The following KDM1B variants were observed in gnomAD, a reference collection of about 807,000 sequenced individuals.
KDM1B encodes lysine demethylase 1B.
A neutral mutation model predicts 107.4 loss-of-function variants in KDM1B; 63 were observed. That is an observed-to-expected ratio of 0.59 (90% confidence interval 0.48 to 0.72). The LOEUF is 0.72. KDM1B is among the 30% of genes least tolerant of loss of function. The pLI, the probability that KDM1B is intolerant of heterozygous loss-of-function variation, is 0.00. For synonymous variants in KDM1B, 363 were observed against 363.9 expected (o/e 1.00, Z 0.03); for missense variants, 749 against 1,020.8 (o/e 0.73, Z 3.63).
chr6:18,166,163 T>C (rs764357134), intron 5 of KDM1B, 104 bp from the exon 6 acceptor site: 2 of 620,142 alleles, frequency 3.2e-6, no homozygotes, highest in Non-Finnish European at 5.9e-6. Context: ...AGGCTAGTTA[T>C]GTTTGTTACG....
At position 18,161,377 on chromosome 6, in the gene KDM1B, A is replaced by G. The variant is rs780785547; in HGVS notation, c.138A>G (p.Ser46=). Residue 46 remains serine, a synonymous_variant, in exon 4 of 22, where the codon TCA becomes TCG. Transcript: ENST00000650836. ...ETTDEDEDGG[S]EKKYRKCEKA... is the part of the protein sequence containing the mutation. ...CAGATGAGGATGAAGATGGTGGCTC[A>G]GAGAAGAAGTACAGGAAATGTGAAA... The G allele has an allele frequency of 3.1e-6, 5 of 1,614,032 alleles. No individual in the cohort carries two copies. The South Asian group carries it at 5.5e-5, about 18-fold the overall frequency.
chr6:18,189,792 G>T (rs985967591), intron 9 of KDM1B, among the ~76,000 whole-genome samples: 1 of 152,100 alleles, frequency 6.6e-6, no homozygotes, highest in African/African-American at 2.4e-5. Context: ...ATAATCAGGG[G>T]TTAGTGATTG....
Position 18,201,571 on chromosome 6 carries a change from G to A in KDM1B, c.1445G>A (p.Arg482His), listed in dbSNP as rs1242942387. 1.2e-5 allele frequency: 18 copies of A among 1,549,742 alleles called. No homozygotes were observed. The highest frequency in any genetic ancestry group is 3.6e-5 in the South Asian group (3 of 84,058). The change falls in exon 14 of 22, where the codon CGC (arginine) becomes CAC (histidine). Residue 482 changes from arginine (R) to histidine (H), a missense_variant. Coordinates refer to ENST00000650836, the MANE Select transcript of KDM1B (RefSeq NM_001364614.2). The surrounding 1 kb of genome is among the most constrained non-coding windows in gnomAD (Gnocchi z 4.3). ...GRITDPTIDK[R>H]MDFHFNALLD... Reference sequence around the variant, plus strand: ...ATAACTGACCCCACTATTGACAAGCGCATGGATTTTCATTTTAATGCTCTC... The same window carrying A: ...ATAACTGACCCCACTATTGACAAGCACATGGATTTTCATTTTAATGCTCTC...
rs528145803 is a variant in KDM1B, at chr6:18,162,059, G to A, written c.215+605G>A. Among the ~76,000 whole-genome samples, 9 of 152,028 alleles carry A rather than the reference G, an allele frequency of 5.9e-5. No homozygotes were observed. Among genetic ancestry groups the A allele is most frequent in the Non-Finnish European group, 1.2e-4 (8 of 68,018 alleles). On this transcript the variant is annotated intron_variant, in intron 4 of 21. Transcript: ENST00000650836. This position sits in a 1 kb window ranked among gnomAD's most constrained non-coding sequence, Gnocchi z 4.1. The stretch of plus-strand genomic sequence containing the variant: ...AAGAGGGCCAGGCATGGTGGCATGC[G>A]CCTGTAATCCCAGCACTTTGAGAGA...
intron 15 of KDM1B, among the ~76,000 whole-genome samples, chr6:18,206,717 A>G (rs891652941): frequency 6.6e-6 from 1 of 152,098 alleles, no homozygotes; most frequent in Non-Finnish European, 1.5e-5. Context: ...GAGCCACTGC[A>G]CCAGGACTTG....
At chr6:18,192,358 A>G (rs146734909) in intron 10 of KDM1B, among the ~76,000 whole-genome samples, 66 of 152,354 alleles carry the variant, frequency 4.3e-4, no homozygotes, top group Non-Finnish European at 7.8e-4. Context: ...AACATTGTGC[A>G]AGACTGCCAA....
chr6:18,195,733 C>CAAAA (rs774459443), intron 10 of KDM1B, among the ~76,000 whole-genome samples: 6 of 107,876 alleles, frequency 5.6e-5, no homozygotes, highest in Non-Finnish European at 9.3e-5. Context: ...AACTCCATAT[C>CAAAA]AAAAAAAAAA....
intron 21 of KDM1B, 103 bp downstream of exon 21, chr6:18,217,988 A>T: frequency 1.6e-6 from 2 of 1,258,874 alleles, no homozygotes; most frequent in Non-Finnish European, 2.2e-6. Context: ...AATACTGTCA[A>T]AAGTCTTATG....
Position 18,191,671 on chromosome 6 carries a change from C to T in KDM1B, c.969+290C>T, listed in dbSNP as rs1446316991. Among the ~76,000 whole-genome samples the T allele has an allele frequency of 6.6e-6, 1 of 152,100 alleles. No individual in the cohort carries two copies. Among genetic ancestry groups the T allele is most frequent in the Non-Finnish European group, 1.5e-5 (1 of 68,026 alleles). ...GGACAGAATCACCCCTTGTTGAAAA[C>T]CACCACTTTAGACCACACATAGTCA... On this transcript the variant is annotated intron_variant, in intron 10 of 21. Transcript: ENST00000650836. The surrounding 1 kb of genome is among the most constrained non-coding windows in gnomAD (Gnocchi z 5.1).
chr6:18,195,045 G>A (rs376825471), intron 10 of KDM1B, among the ~76,000 whole-genome samples: 1 of 152,158 alleles, frequency 6.6e-6, no homozygotes, highest in Admixed American at 6.5e-5. Flanking sequence ...CATATAATAT[G>A]TGGCCTTTTA....
At chr6:18,179,570 C>G (rs540272184) in intron 7 of KDM1B, among the ~76,000 whole-genome samples, 1 of 152,206 alleles carries the variant, frequency 6.6e-6, no homozygotes, top group East Asian at 1.9e-4. Context: ...ATATGGCCAT[C>G]TAGGTGGTTT....
chr6:18,196,408 T>C lies in KDM1B; in HGVS notation c.970-649T>C, dbSNP rs551355104. Among the ~76,000 whole-genome samples the C allele has an allele frequency of 7.2e-5, 11 of 152,348 alleles. No individual in the cohort carries two copies. The South Asian group carries it at 2.3e-3, about 32-fold the overall frequency. ...TTTTTTGAGACACCTCCGTACTGTC[T>C]TCCATAATGACTGTACTAATGTACA... is the stretch of plus-strand genomic sequence containing the variant. On this transcript the variant is annotated intron_variant, in intron 10 of 21. Coordinates refer to ENST00000650836, the MANE Select transcript of KDM1B (RefSeq NM_001364614.2).
rs1787982625 is a variant in KDM1B at position 18,200,808 on chromosome 6, A to G, written c.1359+232A>G. Among the ~76,000 whole-genome samples, 1 of 152,124 alleles carries G rather than the reference A, an allele frequency of 6.6e-6. No homozygotes were observed. The highest frequency in any genetic ancestry group is 2.4e-5 in the African/African-American group (1 of 41,420). ...TTAATTTTATTTCCTTGTTCTTTGC[A>G]GGCCACTTGGTTATCTCATAATTTT... On this transcript the variant is annotated intron_variant, in intron 13 of 21. Transcript: ENST00000650836. The surrounding 1 kb of genome is among the most constrained non-coding windows in gnomAD (Gnocchi z 4.3).
At position 18,203,906 on chromosome 6, in the gene KDM1B, A is replaced by G. The variant is rs1788206036; in HGVS notation, c.1532-1631A>G. ...GCCTCTCTCAGTCTGTTTATACACTATCTTAGCAATCTTGGTTTTTCTCCC... is the reference window on the plus strand; with the variant it reads ...GCCTCTCTCAGTCTGTTTATACACTGTCTTAGCAATCTTGGTTTTTCTCCC... On this transcript the variant is annotated intron_variant, in intron 14 of 21. Transcript: ENST00000650836. This position sits in a 1 kb window ranked among gnomAD's most constrained non-coding sequence, Gnocchi z 5.5. Among the ~76,000 whole-genome samples, 2 of 151,528 alleles carry G rather than the reference A, an allele frequency of 1.3e-5. No individual in the cohort carries two copies. Among genetic ancestry groups the G allele is most frequent in the South Asian group, 2.1e-4 (1 of 4,814 alleles).
At chr6:18,178,478 C>T (rs757635215) in intron 7 of KDM1B, among the ~76,000 whole-genome samples, 2 of 152,056 alleles carry the variant, frequency 1.3e-5, no homozygotes, top group Non-Finnish European at 2.9e-5. Context: ...CTGCAACCTC[C>T]GCCTCCCAGG....
At chr6:18,157,582 T>C (rs55799320) in intron 2 of KDM1B, among the ~76,000 whole-genome samples, 3,402 of 152,136 alleles carry the variant, frequency 0.022, 117 homozygotes, top group African/African-American at 0.076. Context: ...CTATAATACT[T>C]ACATATACTA....
chr6:18,170,818 C>CT lies in KDM1B; in HGVS notation c.418-535dup, dbSNP rs374065192. On this transcript the variant is annotated intron_variant, in intron 6 of 21. Transcript: ENST00000650836. ...TAGGTTAGAGCTGGAAAACCTTTCT[C>CT]TTTTTTTTTTCCTTTTTTTTGAGAC... 3.2e-3 allele frequency among the ~76,000 whole-genome samples: 466 copies of CT among 147,118 alleles called. 2 individuals carry two copies. The highest frequency in any genetic ancestry group is 5.0e-3 in the Non-Finnish European group (333 of 66,274).
At position 18,195,292 on chromosome 6, in the gene KDM1B, T is replaced by C. The variant is rs535148350; in HGVS notation, c.970-1765T>C. 1.2e-4 allele frequency among the ~76,000 whole-genome samples: 19 copies of C among 152,320 alleles called. No homozygotes were observed. The East Asian group carries it at 3.3e-3, about 26-fold the overall frequency. On this transcript the variant is annotated intron_variant, in intron 10 of 21. Coordinates refer to ENST00000650836, the MANE Select transcript of KDM1B (RefSeq NM_001364614.2). ...AGTTCTTTTTGGTATATACTAAGGA[T>C]TGGAATTACTGGGTCATATGGTATT...
chr6:18,194,568 T>C (rs1390823885), intron 10 of KDM1B, among the ~76,000 whole-genome samples: 1 of 152,232 alleles, frequency 6.6e-6, no homozygotes, highest in African/African-American at 2.4e-5. Context: ...TCTTACTGTC[T>C]TAGTGATAAG....
Sources: allele counts gnomAD v4.1 joint callset (sites outside exome capture counted in the v4.1 genomes callset), GRCh38; gene constraint gnomAD v4.1.1; non-coding constraint Gnocchi (gnomAD v3.1); transcripts MANE v1.5; gene names NCBI Gene and HGNC (gene_info 2026-07-23, HGNC 2026-07-21).